ALDH1L2: variants seen among roughly 807,000 people sequenced by gnomAD.
ALDH1L2 encodes the protein aldehyde dehydrogenase 1 family member L2, also known as mitochondrial 10-formyltetrahydrofolate dehydrogenase.
ALDH1L2 carries 91 observed loss-of-function variants against 111.0 expected under a neutral mutation model. The observed-to-expected ratio is 0.82, with a 90% confidence interval of 0.69 to 0.98. The LOEUF (loss-of-function observed/expected upper bound fraction) is 0.98. Among genes scored for constraint, ALDH1L2 ranks in the 50% least tolerant of loss-of-function variants. The pLI, the probability that ALDH1L2 is intolerant of heterozygous loss-of-function variation, is 0.00. For missense variants in ALDH1L2, 995 were observed against 1,126.8 expected, an observed-to-expected ratio of 0.88 and a Z score of 1.67; for synonymous variants, 374 against 392.6, an observed-to-expected ratio of 0.95 and a Z score of 0.56.
intron 4 of ALDH1L2, among the ~76,000 whole-genome samples, chr12:105,067,236 G>GAAAAGA (rs1252161655): frequency 3.1e-5 from 4 of 129,654 alleles, no homozygotes; most frequent in African/African-American, 1.1e-4. Context: ...AAAAAAAAAA[G>GAAAAGA]AAAAGAAAAA....
At chr12:105,030,554 G>T (rs1023134629) in intron 20 of ALDH1L2, 125 bp from the exon 21 acceptor site, 5 of 653,106 alleles carry the variant, frequency 7.7e-6, no homozygotes, top group Non-Finnish European at 1.2e-5. Context: ...AAGAAGAGTT[G>T]CATTTCTCTA....
intron 20 of ALDH1L2, among the ~76,000 whole-genome samples, chr12:105,030,825 T>G (rs907691850): frequency 3.9e-5 from 6 of 152,190 alleles, no homozygotes; most frequent in African/African-American, 1.4e-4. Context: ...CTTAACAAAA[T>G]TAGTAAGTAT....
intron 10 of ALDH1L2, among the ~76,000 whole-genome samples, chr12:105,055,693 A>AAAGG (rs34166784): frequency 2.0e-5 from 3 of 151,752 alleles, no homozygotes; most frequent in Non-Finnish European, 4.4e-5. Context: ...GAATTAAAGG[A>AAAGG]AAGAGAATAA....
chr12:105,043,249 G>A (rs1875646159), intron 15 of ALDH1L2, among the ~76,000 whole-genome samples: 1 of 152,180 alleles, frequency 6.6e-6, no homozygotes, highest in African/African-American at 2.4e-5. Context: ...TTACAGGCCT[G>A]ATTACATGGG....
intron 10 of ALDH1L2, among the ~76,000 whole-genome samples, chr12:105,055,716 CAG>C (rs940922551): frequency 1.8e-4 from 28 of 152,078 alleles, no homozygotes; most frequent in African/African-American, 5.5e-4. Context: ...TCTTGCCAAA[CAG>C]AGAATATCAA....
Position 105,070,549 on chromosome 12 carries a change from AG to A in ALDH1L2, c.428+20del, listed in dbSNP as rs762180662. On this transcript the variant is annotated intron_variant, in intron 3 of 22. Coordinates refer to ENST00000258494, the MANE Select transcript of ALDH1L2 (RefSeq NM_001034173.4). ...GCAAGACCCCATCTCAAAAAAAAAA[AG>A]TAAAAAGAAAAAATCTCACCAATTG... 8.9e-6 allele frequency: 14 copies of A among 1,573,816 alleles called. No homozygotes were observed. In the South Asian group the frequency reaches 1.6e-4, roughly 18 times the overall value.
chr12:105,024,236 G>A lies in ALDH1L2; in HGVS notation c.*188C>T. Reference sequence around the variant, plus strand: ...AAAATGCAACAACTCCAAATCACTGGAAGGTGTATTAGAAAATACTCAGGC... The same window carrying A: ...AAAATGCAACAACTCCAAATCACTGAAAGGTGTATTAGAAAATACTCAGGC... On this transcript the variant is annotated 3_prime_UTR_variant, in exon 23 of 23. Transcript: ENST00000258494. The A allele has an allele frequency of 1.6e-6, 1 of 621,194 alleles. No individual in the cohort carries two copies. The highest frequency in any genetic ancestry group is 2.9e-6 in the Non-Finnish European group (1 of 349,020). 38.5% of individuals were successfully genotyped at this position (621,194 alleles called of 1,614,324 possible).
intron 1 of ALDH1L2, among the ~76,000 whole-genome samples, chr12:105,081,997 C>A (rs1460046804): frequency 3.3e-5 from 5 of 152,176 alleles, no homozygotes; most frequent in African/African-American, 9.7e-5. Flanking sequence ...AGTTCAAGAC[C>A]AGCCTGGCCA....
At chr12:105,080,572 G>A (rs1342978255) in intron 1 of ALDH1L2, among the ~76,000 whole-genome samples, 1 of 152,128 alleles carries the variant, frequency 6.6e-6, no homozygotes, top group Non-Finnish European at 1.5e-5. Context: ...CTGGGTCTCA[G>A]TTTTCTTATC....
chr12:105,070,584 G>A lies in ALDH1L2; in HGVS notation c.414C>T (p.Ala138=). 1 of 1,611,326 alleles carries A rather than the reference G, an allele frequency of 6.2e-7. No homozygotes were observed. Among genetic ancestry groups the A allele is most frequent in the East Asian group, 2.2e-5 (1 of 44,878 alleles). Residue 138 remains alanine (A), a synonymous_variant, in exon 3 of 23, where the codon GCC becomes GCT. Transcript: ENST00000258494. ...AAAAATCTCACCAATTGATAGCAGA[G>A]GCTCCTCTGTGCCTGGGCAGGATGG... ...HPSILPRHRG[A]SAINWTLIMG...
intron 18 of ALDH1L2, 121 bp from the exon 19 acceptor site, chr12:105,034,519 G>A (rs1293559124): frequency 1.3e-6 from 1 of 769,110 alleles, no homozygotes; most frequent in African/African-American, 1.8e-5. Context: ...ATAAGTCACA[G>A]ACAATCCTCT....
At chr12:105,032,508 G>T (rs1447295533) in intron 19 of ALDH1L2, among the ~76,000 whole-genome samples, 1 of 152,068 alleles carries the variant, frequency 6.6e-6, no homozygotes, top group East Asian at 1.9e-4. Flanking sequence ...CAAAGTGCTG[G>T]GATTACAGGC....
chr12:105,051,754 A>G (rs1234853528), intron 12 of ALDH1L2, among the ~76,000 whole-genome samples: 1 of 151,786 alleles, frequency 6.6e-6, no homozygotes, highest in Non-Finnish European at 1.5e-5. Context: ...CAATATCCAA[A>G]GGTAGTAGAC....
At chr12:105,049,166 AC>A (rs1876101247) in intron 13 of ALDH1L2, among the ~76,000 whole-genome samples, 2 of 152,118 alleles carry the variant, frequency 1.3e-5, no homozygotes, top group Admixed American at 1.3e-4. Flanking sequence ...GAATTTGTAA[AC>A]CCTACATGAT....
intron 1 of ALDH1L2, among the ~76,000 whole-genome samples, chr12:105,079,056 G>A (rs1171386560): frequency 6.6e-6 from 1 of 152,180 alleles, no homozygotes; most frequent in Non-Finnish European, 1.5e-5. Context: ...ATTGAAACCA[G>A]GAGAGTCTAG....
intron 2 of ALDH1L2, among the ~76,000 whole-genome samples, chr12:105,071,051 T>C (rs1439581543): frequency 6.6e-6 from 1 of 152,250 alleles, no homozygotes; most frequent in Admixed American, 6.5e-5. Context: ...TTTTAAGATT[T>C]TAATGAAAGC....
intron 16 of ALDH1L2, 82 bp downstream of exon 16, chr12:105,040,525 A>T: frequency 2.5e-6 from 3 of 1,213,636 alleles, no homozygotes; most frequent in South Asian, 2.4e-5. Context: ...AATTCAGGAC[A>T]AGTCTCTAGA....
intron 21 of ALDH1L2, among the ~76,000 whole-genome samples, chr12:105,027,091 T>G (rs1163389097): frequency 1.3e-5 from 2 of 152,220 alleles, no homozygotes; most frequent in African/African-American, 2.4e-5. Flanking sequence ...CCCAGGCTGA[T>G]CTCAAACTCC....
At chr12:105,040,586 G>A (rs1202021534) in intron 16 of ALDH1L2, 21 bp downstream of exon 16, 7 of 1,612,010 alleles carry the variant, frequency 4.3e-6, no homozygotes, top group Non-Finnish European at 5.9e-6. Context: ...TTATAGCACA[G>A]TCGGTCATTT....
Sources: gnomAD v4.1 joint callset for allele counts (sites outside exome capture counted in the v4.1 genomes callset) on GRCh38, gnomAD v4.1.1 for gene constraint, MANE v1.5 for transcripts, NCBI Gene and HGNC (gene_info 2026-07-23, HGNC 2026-07-21) for gene names.